The following VWF variants were observed in gnomAD, a reference collection of about 807,000 sequenced individuals.
The protein encoded by VWF is Factor VIII related antigen.
In VWF, 176 loss-of-function variants were observed where a neutral mutation model predicts 308.6. That is an observed-to-expected ratio of 0.57 (90% CI 0.50 to 0.65). The LOEUF (loss-of-function observed/expected upper bound fraction) is 0.65, where lower values mean the gene tolerates loss of function less well. Ranked by LOEUF, VWF falls within the 30% of genes least tolerant of loss-of-function variation. The probability of loss-of-function intolerance (pLI) is 0.00; values close to 1 mark genes in which losing one functional copy is unlikely to be tolerated. For missense variants in VWF, 3,146 were observed against 3,648.2 expected (o/e 0.86, Z 3.55); for synonymous variants, 1,385 against 1,443.4 (o/e 0.96, Z 0.92).
chr12:6,052,024 C>T (rs1420054008), intron 16 of VWF, among the ~76,000 whole-genome samples: 1 of 152,176 alleles, frequency 6.6e-6, no homozygotes, highest in East Asian at 1.9e-4. Flanking sequence ...TCATGGCAAC[C>T]CTGTTGAAAC....
Position 6,103,411 on chromosome 12 carries a change from C to CACGTGTGTGTATACACGTGTGTGTAT in VWF, c.532+6962_532+6963insATACACACACGTGTATACACACACGT, listed in dbSNP as rs1321041965. On this transcript the variant is annotated intron_variant, in intron 5 of 51. Transcript: ENST00000261405. ...GTGTGTGTATACACGTGTGTGTATA[C>CACGTGTGTGTATACACGTGTGTGTAT]ACACGTGTGTGTATACACACGTGTG... 6.0e-5 allele frequency among the ~76,000 whole-genome samples: 6 copies of CACGTGTGTGTATACACGTGTGTGTAT among 99,570 alleles called. 1 individual carries two copies. The highest frequency in any genetic ancestry group is 5.9e-4 in the African/African-American group (4 of 6,804). 65.3% of individuals were successfully genotyped at this position (99,570 alleles called of 152,430 possible).
At position 6,012,054 on chromosome 12, in the gene VWF, C is replaced by T. The variant is rs55664929; in HGVS notation, c.5664+33G>A. 15,879 of 1,610,032 alleles carry T rather than the reference C, an allele frequency of 9.9e-3. 1,214 individuals carry two copies. In the African/African-American group the frequency reaches 0.18, roughly 18 times the overall value. ...ACAAGAGCCCCAAACACATCTCTAACCTTTCTTTCAAAGTCAACAGAAAGG... is the reference window on the plus strand; with the variant it reads ...ACAAGAGCCCCAAACACATCTCTAATCTTTCTTTCAAAGTCAACAGAAAGG... On this transcript the variant is annotated intron_variant, in intron 33 of 51. Transcript: ENST00000261405.
chr12:6,103,601 T>A, intron 5 of VWF, among the ~76,000 whole-genome samples: 1 of 146,936 alleles, frequency 6.8e-6, no homozygotes, highest in Non-Finnish European at 1.5e-5. Context: ...TGGAATAGAA[T>A]AGACACCCAG....
intron 19 of VWF, among the ~76,000 whole-genome samples, chr12:6,036,150 T>C (rs1944334019): frequency 2.0e-5 from 3 of 152,222 alleles, no homozygotes; most frequent in Admixed American, 1.3e-4. Flanking sequence ...GTCCCAAGCA[T>C]TTCGGATAAG....
At chr12:6,065,423 A>G (rs1944702735) in intron 10 of VWF, 150 bp from the exon 11 acceptor site, 2 of 1,076,880 alleles carry the variant, frequency 1.9e-6, no homozygotes, top group South Asian at 2.7e-5. Flanking sequence ...AAGTTCTACG[A>G]GAAAATTCGG....
At chr12:5,998,980 C>T (rs1591851413) in intron 34 of VWF, among the ~76,000 whole-genome samples, 1 of 152,302 alleles carries the variant, frequency 6.6e-6, no homozygotes, top group Non-Finnish European at 1.5e-5. Flanking sequence ...GCCTTGACCT[C>T]CCAAAGTGCT....
At chr12:5,978,814 T>C (rs1318067086) in intron 42 of VWF, among the ~76,000 whole-genome samples, 1 of 152,226 alleles carries the variant, frequency 6.6e-6, no homozygotes, top group African/African-American at 2.4e-5. Flanking sequence ...ACCCAGATCA[T>C]ACCGCCTAAA....
intron 13 of VWF, among the ~76,000 whole-genome samples, chr12:6,062,679 C>T (rs1012052730): frequency 2.0e-5 from 3 of 152,152 alleles, no homozygotes; most frequent in Admixed American, 6.5e-5. Context: ...GGACAGCAAA[C>T]CTGCTCCTTC....
chr12:5,965,086 T>C (rs1463607157), intron 47 of VWF, among the ~76,000 whole-genome samples: 1 of 152,164 alleles, frequency 6.6e-6, no homozygotes, highest in African/African-American at 2.4e-5. Flanking sequence ...TGTTCCACAT[T>C]TCCCCGTTCA....
At chr12:6,098,203 T>C (rs1050768319) in intron 5 of VWF, among the ~76,000 whole-genome samples, 3 of 152,242 alleles carry the variant, frequency 2.0e-5, no homozygotes, top group African/African-American at 7.2e-5. Flanking sequence ...GGGACAAACA[T>C]TGTTGAGTCT....
At chr12:5,999,872 G>A (rs1943851615) in intron 34 of VWF, among the ~76,000 whole-genome samples, 1 of 151,872 alleles carries the variant, frequency 6.6e-6, no homozygotes, top group African/African-American at 2.4e-5. Context: ...GGTAATAAAA[G>A]TGCAAAGTCA....
chr12:6,021,919 G>A lies in VWF; in HGVS notation c.3655C>T (p.Pro1219Ser). 1.2e-6 allele frequency: 2 copies of A among 1,614,098 alleles called. No individual in the cohort carries two copies. Among genetic ancestry groups the A allele is most frequent in the South Asian group, 2.2e-5 (2 of 91,064 alleles). ...TTTTACCAAATCTGGCAGTGCTCAG[G>A]GTCACTGGGATTCAAGGTGACTTTC... ...GKKVTLNPSD[P>S]EHCQICHCDV... The change falls in exon 27 of 52, where the codon CCT (proline) becomes TCT (serine). Residue 1219 changes from proline (P) to serine (S), a missense_variant. Transcript: ENST00000261405.
intron 8 of VWF, among the ~76,000 whole-genome samples, chr12:6,073,323 C>T (rs1944800928): frequency 6.6e-6 from 1 of 152,152 alleles, no homozygotes; most frequent in Non-Finnish European, 1.5e-5. Flanking sequence ...ATTGAGAAAA[C>T]AGCTCAGCTC....
intron 43 of VWF, among the ~76,000 whole-genome samples, chr12:5,973,523 C>T (rs552860033): frequency 6.6e-6 from 1 of 152,348 alleles, no homozygotes; most frequent in African/African-American, 2.4e-5. Flanking sequence ...GAAAAGCTGA[C>T]TTCCTGGGTC....
At chr12:5,984,470 C>G (rs1415247835) in intron 40 of VWF, among the ~76,000 whole-genome samples, 1 of 152,248 alleles carries the variant, frequency 6.6e-6, no homozygotes, top group Non-Finnish European at 1.5e-5. Flanking sequence ...TGCATCACTG[C>G]AAATTGTACA....
chr12:6,095,768 G>T (rs946996275), intron 5 of VWF, 184 bp from the exon 6 acceptor site: 20 of 763,388 alleles, frequency 2.6e-5, no homozygotes, highest in African/African-American at 6.9e-5. Flanking sequence ...TCCCACTACT[G>T]AGCAGCACAG....
chr12:6,027,631 G>C (rs536080384), intron 22 of VWF, among the ~76,000 whole-genome samples: 2 of 152,090 alleles, frequency 1.3e-5, no homozygotes, highest in African/African-American at 4.8e-5. Context: ...GAATATGGAG[G>C]ATGGGGCCAC....
intron 34 of VWF, among the ~76,000 whole-genome samples, chr12:5,998,587 G>A (rs1004261426): frequency 7.3e-6 from 1 of 136,666 alleles, no homozygotes; most frequent in Admixed American, 7.4e-5. Flanking sequence ...TAAACTACAA[G>A]GCAAATAAAT....
intron 34 of VWF, among the ~76,000 whole-genome samples, chr12:5,997,106 T>C (rs1943815821): frequency 6.6e-6 from 1 of 151,920 alleles, no homozygotes; most frequent in African/African-American, 2.4e-5. Flanking sequence ...TGAGCCAACC[T>C]CTCCCTATGG....
Sources: gnomAD v4.1 joint callset for allele counts (sites outside exome capture counted in the v4.1 genomes callset) on GRCh38, gnomAD v4.1.1 for gene constraint, MANE v1.5 for transcripts, NCBI Gene and HGNC (gene_info 2026-07-23, HGNC 2026-07-21) for gene names.